The following CDH20 variants were observed in gnomAD, a reference collection of about 807,000 sequenced individuals.
CDH20 encodes cadherin-20.
A neutral mutation model predicts 74.2 loss-of-function variants in CDH20; 29 were observed. The observed-to-expected ratio is 0.39, with a 90% CI of 0.29 to 0.53. The LOEUF (loss-of-function observed/expected upper bound fraction) is 0.53. Ranked by LOEUF, CDH20 falls within the 20% of genes least tolerant of loss-of-function variation. The pLI, the probability that CDH20 is intolerant of heterozygous loss-of-function variation, is 0.69. For missense variants in CDH20, 988 were observed against 1,048.3 expected (o/e 0.94, Z 0.79); for synonymous variants, 469 against 405.4 (o/e 1.16, Z -1.88).
At chr18:61,452,237 TTTG>T (rs1014903544) in intron 1 of CDH20, among the ~76,000 whole-genome samples, 26 of 151,176 alleles carry the variant, frequency 1.7e-4, no homozygotes, top group African/African-American at 6.3e-4. Flanking sequence ...ATTTGATATT[TTTG>T]TTTTTTATGT....
At chr18:61,552,155 A>C (rs1427955225) in intron 11 of CDH20, among the ~76,000 whole-genome samples, 1 of 141,708 alleles carries the variant, frequency 7.1e-6, no homozygotes, top group Non-Finnish European at 1.5e-5. Context: ...CAACTAAATA[A>C]ATTAATTCTG....
rs17068176 is a variant in CDH20 at position 61,333,444 on chromosome 18, G to A, written c.-536G>A. The A allele has an allele frequency of 0.18, 28,165 of 152,386 alleles. 3,222 individuals are homozygous for A. Among genetic ancestry groups the A allele is most frequent in the Admixed American group, 0.31 (4,796 of 15,286 alleles). 9.4% of individuals were successfully genotyped at this position (152,386 alleles called of 1,614,324 possible). The stretch of plus-strand genomic sequence containing the variant: ...AGGCAGGCAGCAGCCACTCCTGCTA[G>A]GGAAGGCGCGAGGGAGGGGAAGCGG... On this transcript the variant is annotated 5_prime_UTR_variant, in exon 1 of 12. Coordinates refer to ENST00000262717, the MANE Select transcript of CDH20 (RefSeq NM_031891.4).
In CDH20 at chr18:61,508,451, T is replaced by G. The variant is rs1911657876; in HGVS notation, c.1017+891T>G. On this transcript the variant is annotated intron_variant, in intron 6 of 11. Coordinates refer to ENST00000262717, the MANE Select transcript of CDH20 (RefSeq NM_031891.4). ...AGGAAGCAGAACAGAACACAATAAG[T>G]GAGGCCAGGAAAGCTAAGATGATTT... Among the ~76,000 whole-genome samples, 3 of 151,966 alleles carry G rather than the reference T, an allele frequency of 2.0e-5. No individual in the cohort carries two copies. The South Asian group carries it at 6.2e-4, about 32-fold the overall frequency.
chr18:61,372,412 G>T (rs1911074886), intron 1 of CDH20, among the ~76,000 whole-genome samples: 1 of 151,754 alleles, frequency 6.6e-6, no homozygotes, highest in Admixed American at 6.6e-5. Flanking sequence ...TAAAGTAACG[G>T]GTATTTCAGC....
chr18:61,523,356 C>A (rs1482834862), intron 6 of CDH20, among the ~76,000 whole-genome samples: 2 of 152,094 alleles, frequency 1.3e-5, no homozygotes, highest in Non-Finnish European at 2.9e-5. Context: ...CAAATCAGAA[C>A]TATATTGAGA....
chr18:61,500,102 T>A (rs1190147856), intron 3 of CDH20, among the ~76,000 whole-genome samples: 25 of 56,574 alleles, frequency 4.4e-4, no homozygotes, highest in South Asian at 1.9e-3. Flanking sequence ...GACTCCATCT[T>A]AAAAAAAAAA....
At chr18:61,436,442 G>T (rs1056337266) in intron 1 of CDH20, among the ~76,000 whole-genome samples, 38 of 152,206 alleles carry the variant, frequency 2.5e-4, no homozygotes, top group African/African-American at 7.5e-4. Context: ...TTTTATTCTA[G>T]CTATCCTAGT....
intron 7 of CDH20, among the ~76,000 whole-genome samples, chr18:61,532,255 G>A (rs1437032723): frequency 1.3e-5 from 2 of 152,152 alleles, no homozygotes; most frequent in African/African-American, 4.8e-5. Context: ...TATAGGTGAT[G>A]TGTGCTGAGC....
chr18:61,350,892 T>C (rs529596288), intron 1 of CDH20, among the ~76,000 whole-genome samples: 1 of 152,154 alleles, frequency 6.6e-6, no homozygotes, highest in Non-Finnish European at 1.5e-5. Flanking sequence ...ATGCCTTTCA[T>C]TGGCCAGAAC....
At chr18:61,453,581 T>C (rs1035867939) in intron 1 of CDH20, among the ~76,000 whole-genome samples, 6 of 152,168 alleles carry the variant, frequency 3.9e-5, no homozygotes, top group African/African-American at 7.2e-5. Flanking sequence ...GCCCAGCCGA[T>C]CTAACCTTTT....
intron 7 of CDH20, 33 bp downstream of exon 7, chr18:61,528,253 GCT>G: frequency 1.2e-6 from 2 of 1,603,740 alleles, no homozygotes; most frequent in South Asian, 2.2e-5. Context: ...TTCCTTATAT[GCT>G]GGAATCTTCC....
At chr18:61,376,286 T>C (rs186209960) in intron 1 of CDH20, among the ~76,000 whole-genome samples, 426 of 152,284 alleles carry the variant, frequency 2.8e-3, no homozygotes, top group Non-Finnish European at 4.2e-3. Flanking sequence ...TAGGGTTATA[T>C]ATTTTTGTTG....
Position 61,554,246 on chromosome 18 carries a change from G to T in CDH20, c.1957G>T (p.Asp653Tyr). 3 of 1,613,960 alleles carry T rather than the reference G, an allele frequency of 1.9e-6. No individual in the cohort carries two copies. The highest frequency in any genetic ancestry group is 2.5e-6 in the Non-Finnish European group (3 of 1,179,966). ...RRHRKQPYII[D>Y]DEENIHENIV... The stretch of plus-strand genomic sequence containing the variant: ...GCACCGGAAACAACCATACATCATC[G>T]ACGACGAGGAAAACATCCACGAGAA... Residue 653 changes from aspartate (D) to tyrosine (Y), a missense_variant, in exon 12 of 12, where the codon GAC becomes TAC. By Grantham distance (160) the Asp-to-Tyr change is radical. Transcript: ENST00000262717.
chr18:61,504,458 G>A (rs149038583), intron 5 of CDH20, among the ~76,000 whole-genome samples: 42 of 152,266 alleles, frequency 2.8e-4, no homozygotes, highest in African/African-American at 8.7e-4. Context: ...AATAGAGGAC[G>A]CATAATGGAA....
chr18:61,520,232 C>T (rs1314765614), intron 6 of CDH20, among the ~76,000 whole-genome samples: 14 of 144,894 alleles, frequency 9.7e-5, no homozygotes, highest in East Asian at 6.4e-4. Context: ...AGGAGAATGG[C>T]GTGAACCTGG....
intron 1 of CDH20, among the ~76,000 whole-genome samples, chr18:61,373,345 C>G (rs759280796): frequency 5.9e-5 from 9 of 151,974 alleles, no homozygotes; most frequent in Admixed American, 3.3e-4. Flanking sequence ...ATAAAACCCA[C>G]AGATTGCTGA....
At chr18:61,397,250 G>A (rs1013811376) in intron 1 of CDH20, among the ~76,000 whole-genome samples, 5 of 151,836 alleles carry the variant, frequency 3.3e-5, no homozygotes, top group Admixed American at 6.6e-5. Context: ...ATTTCCCATC[G>A]TCACCCAACC....
chr18:61,453,449 T>A (rs1909465112), intron 1 of CDH20, among the ~76,000 whole-genome samples: 1 of 152,032 alleles, frequency 6.6e-6, no homozygotes, highest in Non-Finnish European at 1.5e-5. Context: ...AGCTAATCTT[T>A]TGTGTGTTTT....
chr18:61,416,796 G>A lies in CDH20; in HGVS notation c.-152-73606G>A, dbSNP rs151143177. 4.0e-3 allele frequency among the ~76,000 whole-genome samples: 605 copies of A among 152,278 alleles called. 2 individuals are homozygous for A. Among genetic ancestry groups the A allele is most frequent in the African/African-American group, 0.014 (571 of 41,536 alleles). On this transcript the variant is annotated intron_variant, in intron 1 of 11. Transcript: ENST00000262717. ...CCACTACCAATAATGGGATTCGTTA[G>A]GAAAGAAGAAGCAAATAATGGATAC...
Sources: gnomAD v4.1 joint callset for allele counts (sites outside exome capture counted in the v4.1 genomes callset) on GRCh38, gnomAD v4.1.1 for gene constraint, MANE v1.5 for transcripts, NCBI Gene and HGNC (gene_info 2026-07-23, HGNC 2026-07-21) for gene names.